The following PLEKHG6 variants were observed in gnomAD, a reference collection of about 807,000 sequenced individuals.
PLEKHG6 encodes the protein pleckstrin homology domain-containing family G member 6.
Under a neutral mutation model 97.5 loss-of-function variants are expected in PLEKHG6, and 91 were observed. That is an observed-to-expected ratio of 0.93 (90% CI 0.79 to 1.11). The LOEUF (loss-of-function observed/expected upper bound fraction) is 1.11, where lower values mean the gene tolerates loss of function less well. Ranked by LOEUF, PLEKHG6 falls within the 50% of genes most tolerant of loss-of-function variation. The pLI is 0.00. For missense variants in PLEKHG6, 1,044 were observed against 1,031.0 expected (o/e 1.01, Z -0.17); for synonymous variants, 466 against 425.5 (o/e 1.10, Z -1.17).
chr12:6,327,922 A>G lies in PLEKHG6; in HGVS notation c.2339A>G (p.Gln780Arg), dbSNP rs200557772. The change falls in exon 15 of 16, where the codon CAG becomes CGG. Residue 780 changes from glutamine to arginine, a missense_variant. Transcript: ENST00000684764. ...LQRMRGPHII[Q>R]LDTPLSASEV ...AGGATGCGGGGGCCCCACATCATTC[A>G]GCTGGACACCCCTCTGTCCGCATCG... 1.3e-5 allele frequency: 19 copies of G among 1,482,822 alleles called. No individual in the cohort carries two copies. In the East Asian group the frequency reaches 3.8e-4, roughly 29 times the overall value. 91.9% of individuals were successfully genotyped at this position (1,482,822 alleles called of 1,614,324 possible).
Position 6,316,039 on chromosome 12 carries a change from C to A in PLEKHG6, c.606+120C>A. 2.0e-6 allele frequency: 2 copies of A among 1,003,640 alleles called. No individual in the cohort carries two copies. Among genetic ancestry groups the A allele is most frequent in the Admixed American group, 2.5e-5 (1 of 40,212 alleles). 62.2% of individuals were successfully genotyped at this position (1,003,640 alleles called of 1,614,324 possible). On this transcript the variant is annotated intron_variant, in intron 6 of 15. Transcript: ENST00000684764. The surrounding 1 kb of genome is among the most constrained non-coding windows in gnomAD (Gnocchi z 4.1). ...CTGCCCCGTTTTTTGGGATGCCTTG[C>A]CCTCCCTACTTCCCTGTTACTGGGG...
intron 13 of PLEKHG6, chr12:6,319,315 G>T (rs1565459051): frequency 4.9e-6 from 3 of 611,648 alleles, no homozygotes; most frequent in Non-Finnish European, 5.7e-6. Flanking sequence ...GGGCGTGGTG[G>T]TGTGTGCCTG....
intron 13 of PLEKHG6, 107 bp from the exon 14 acceptor site, chr12:6,326,320 TA>T: frequency 1.6e-6 from 1 of 633,736 alleles, no homozygotes; most frequent in Non-Finnish European, 2.6e-6. Context: ...ATAATAATAA[TA>T]ATAAAATAAA....
rs1254780381 is a variant in PLEKHG6, at chr12:6,315,592, G to A, written c.498G>A (p.Leu166=). ...AGCTCTGCCACCAACAGGAGGCCCT[G>A]TGGGAGCTCCTGACCACCGAGCTGA... The part of the protein sequence containing the change: ...SQELCHQQEA[L]WELLTTELIY... Residue 166 remains leucine (L), a synonymous_variant, in exon 5 of 16, where the codon CTG becomes CTA. Coordinates refer to ENST00000684764, the MANE Select transcript of PLEKHG6 (RefSeq NM_001384598.1). The surrounding 1 kb of genome is among the most constrained non-coding windows in gnomAD (Gnocchi z 4.5). The A allele has an allele frequency of 6.3e-7, 1 of 1,588,398 alleles. No homozygotes were observed. Among genetic ancestry groups the A allele is most frequent in the African/African-American group, 1.3e-5 (1 of 74,440 alleles).
intron 9 of PLEKHG6, 80 bp from the exon 10 acceptor site, chr12:6,317,777 G>A: frequency 6.4e-7 from 1 of 1,564,410 alleles, no homozygotes; most frequent in Non-Finnish European, 8.7e-7. Flanking sequence ...CTGTGACAGT[G>A]TGGCGCTGTG....
In PLEKHG6 at chr12:6,327,477, C is replaced by T. The variant is rs143704121; in HGVS notation, c.1894C>T (p.Arg632Cys). 19 of 1,609,940 alleles carry T rather than the reference C, an allele frequency of 1.2e-5. No individual in the cohort carries two copies. The highest frequency in any genetic ancestry group is 9.4e-5 in the African/African-American group (7 of 74,832). Residue 632 changes from arginine to cysteine, a missense_variant, in exon 15 of 16, where the codon CGT (arginine) becomes TGT (cysteine). Transcript: ENST00000684764. ...STLELRDIPL[R>C]PHPPDPQAPQ... Reference sequence around the variant, plus strand: ...CCTGGAACTCCGGGACATCCCTCTGCGTCCCCACCCTCCCGACCCCCAAGC... The same window carrying T: ...CCTGGAACTCCGGGACATCCCTCTGTGTCCCCACCCTCCCGACCCCCAAGC...
In PLEKHG6 at chr12:6,315,103, A is replaced by G. The variant is rs777967360; in HGVS notation, c.393A>G (p.Ile131Met). 6.2e-7 allele frequency: 1 copy of G among 1,613,252 alleles called. No individual in the cohort carries two copies. Among genetic ancestry groups the G allele is most frequent in the South Asian group, 1.1e-5 (1 of 91,076 alleles). ...LPPEDRRHWE[I>M]GEGGDSGLTI... ...CTGAGGACCGGCGGCACTGGGAGAT[A>G]GGAGAGGGTGGCGACAGTGGCCTGA... The change falls in exon 4 of 16, where the codon ATA becomes ATG. Residue 131 changes from isoleucine to methionine, a missense_variant. Transcript: ENST00000684764. This position sits in a 1 kb window ranked among gnomAD's most constrained non-coding sequence, Gnocchi z 4.5.
chr12:6,327,257 T>A lies in PLEKHG6; in HGVS notation c.1674T>A (p.Thr558=). ...EGSQSSAEGR[T]PEFSTIIPHL... is the part of the protein sequence containing the mutation. Reference sequence around the variant, plus strand: ...GACTCTTTGCCATTAACTGTAGGACTCCTGAGTTCTCGACCATTATCCCCC... The same window carrying A: ...GACTCTTTGCCATTAACTGTAGGACACCTGAGTTCTCGACCATTATCCCCC... The change falls in exon 15 of 16, where the codon ACT becomes ACA. Residue 558 remains threonine, a synonymous_variant. Coordinates refer to ENST00000684764, the MANE Select transcript of PLEKHG6 (RefSeq NM_001384598.1). The A allele has an allele frequency of 6.3e-7, 1 of 1,583,008 alleles. No individual in the cohort carries two copies. The highest frequency in any genetic ancestry group is 8.6e-7 in the Non-Finnish European group (1 of 1,160,688).
chr12:6,313,668 G>T lies in PLEKHG6; in HGVS notation c.178G>T (p.Ala60Ser), dbSNP rs1947350350. ...RRRLQQYVPF[A>S]RGSGQARGLS... ...ACGCCTCCAGCAGTATGTCCCCTTTGCCAGGGGTTCTGGCCAGGCCCGAGG... is the reference window on the plus strand; with the variant it reads ...ACGCCTCCAGCAGTATGTCCCCTTTTCCAGGGGTTCTGGCCAGGCCCGAGG... The change falls in exon 3 of 16, where the codon GCC (alanine) becomes TCC (serine). Residue 60 changes from alanine (A) to serine (S), a missense_variant. By Grantham distance (99) the Ala-to-Ser change is moderately conservative. Transcript: ENST00000684764. 1 of 1,613,922 alleles carries T rather than the reference G, an allele frequency of 6.2e-7. No individual in the cohort carries two copies. Among genetic ancestry groups the T allele is most frequent in the Admixed American group, 1.7e-5 (1 of 59,990 alleles).
chr12:6,313,042 C>T lies in PLEKHG6; in HGVS notation c.139-587C>T, dbSNP rs964927019. ...AGACTAGAAAGTATGTGGGGTAATT[C>T]AGGCCACAGGCAAATGAAGGAATGT... is the stretch of plus-strand genomic sequence containing the variant. On this transcript the variant is annotated intron_variant, in intron 2 of 15. Coordinates refer to ENST00000684764, the MANE Select transcript of PLEKHG6 (RefSeq NM_001384598.1). 1.3e-5 allele frequency: 20 copies of T among 1,504,736 alleles called. 1 individual carries two copies. In the South Asian group the frequency reaches 2.5e-4, roughly 19 times the overall value. 93.2% of individuals were successfully genotyped at this position (1,504,736 alleles called of 1,614,324 possible). A position where few individuals can be genotyped will look rare whatever the true frequency, so the allele number is the denominator to read the frequency against.
rs769096998 is a variant in PLEKHG6 at position 6,318,326 on chromosome 12, A to T, written c.1181A>T (p.Asp394Val). The T allele has an allele frequency of 6.2e-7, 1 of 1,613,944 alleles. No individual in the cohort carries two copies. The highest frequency in any genetic ancestry group is 8.5e-7 in the Non-Finnish European group (1 of 1,179,966). Residue 394 changes from aspartate to valine, a missense_variant, in exon 11 of 16, where the codon GAC (aspartate) becomes GTC (valine). By Grantham distance (152) the Asp-to-Val change is radical. Coordinates refer to ENST00000684764, the MANE Select transcript of PLEKHG6 (RefSeq NM_001384598.1). Reference protein sequence around the residue: ...EKNLRPFSTLDLTSPMLGVAS... With the variant: ...EKNLRPFSTLVLTSPMLGVAS... ...AACCTGCGCCCATTCTCCACCCTGG[A>T]CCTGACGTCCCCCATGCTGGGGGTT...
chr12:6,325,202 A>G (rs1165757769), intron 13 of PLEKHG6, among the ~76,000 whole-genome samples: 1 of 150,990 alleles, frequency 6.6e-6, no homozygotes, highest in Non-Finnish European at 1.5e-5. Flanking sequence ...CAAGCCAACA[A>G]CCGACCTTCT....
chr12:6,317,483 C>G, intron 8 of PLEKHG6, 64 bp from the exon 9 acceptor site: 2 of 1,611,662 alleles, frequency 1.2e-6, no homozygotes, highest in Non-Finnish European at 1.7e-6. Flanking sequence ...GAGCCTGAGG[C>G]TGAGTTCACC....
Position 6,317,565 on chromosome 12 carries a change from C to A in PLEKHG6, c.886C>A (p.Arg296Ser). 6.2e-7 allele frequency: 1 copy of A among 1,613,736 alleles called. No individual in the cohort carries two copies. The highest frequency in any genetic ancestry group is 1.3e-5 in the African/African-American group (1 of 75,062). ...CCTGCAGTGGTGTGAGAAGCACAAG[C>A]GCTCTGGGAGGCAGATGCTCTGTGA... Reference protein sequence around the residue: ...AFVQWCEKHKRSGRQMLCDLL... With the variant: ...AFVQWCEKHKSSGRQMLCDLL... Residue 296 changes from arginine to serine, a missense_variant, in exon 9 of 16, where the codon CGC (arginine) becomes AGC (serine). By Grantham distance (110) the Arg-to-Ser change is moderately radical. Coordinates refer to ENST00000684764, the MANE Select transcript of PLEKHG6 (RefSeq NM_001384598.1).
chr12:6,322,847 C>T (rs114563112), intron 13 of PLEKHG6, among the ~76,000 whole-genome samples: 2,572 of 151,708 alleles, frequency 0.017, 75 homozygotes, highest in African/African-American at 0.06. Flanking sequence ...CACCACTGCA[C>T]TACAACCCAG....
Position 6,316,901 on chromosome 12 carries a change from A to T in PLEKHG6, c.757-402A>T, listed in dbSNP as rs1044030152. Reference sequence around the variant, plus strand: ...TAGGCGTACTGCCCCTGGGAGCCTTAGGTACCCCCTCCATAGGAGCAAGGC... The same window carrying T: ...TAGGCGTACTGCCCCTGGGAGCCTTTGGTACCCCCTCCATAGGAGCAAGGC... On this transcript the variant is annotated intron_variant, in intron 7 of 15. Transcript: ENST00000684764. The surrounding 1 kb of genome is among the most constrained non-coding windows in gnomAD (Gnocchi z 4.1). Among the ~76,000 whole-genome samples the T allele has an allele frequency of 6.6e-6, 1 of 152,178 alleles. No individual in the cohort carries two copies. Among genetic ancestry groups the T allele is most frequent in the African/African-American group, 2.4e-5 (1 of 41,454 alleles).
rs749640537 is a variant in PLEKHG6, at chr12:6,327,860, C to T, written c.2277C>T (p.Asp759=). 6.0e-6 allele frequency: 9 copies of T among 1,502,910 alleles called. No homozygotes were observed. In the South Asian group the frequency reaches 1.1e-4, roughly 18 times the overall value. 93.1% of individuals were successfully genotyped at this position (1,502,910 alleles called of 1,614,324 possible). ...TTGAGGGGGCCGAGGAGCCCCGGGA[C>T]AGCAGGCCACGGAAGCTGACTCGGG... The part of the protein sequence containing the change: ...QRIEGAEEPR[D]SRPRKLTRAQ... Residue 759 remains aspartate (D), a synonymous_variant, in exon 15 of 16, where the codon GAC becomes GAT. Coordinates refer to ENST00000684764, the MANE Select transcript of PLEKHG6 (RefSeq NM_001384598.1).
At position 6,317,980 on chromosome 12, in the gene PLEKHG6, G is replaced by A; in HGVS notation, c.1141G>A (p.Asp381Asn). 3 of 1,590,208 alleles carry A rather than the reference G, an allele frequency of 1.9e-6. No homozygotes were observed. The South Asian group carries it at 3.4e-5, about 18-fold the overall frequency. ...GPYEVLEPPSDEVEKNLRPFS... is the reference protein window; with the variant it reads ...GPYEVLEPPSNEVEKNLRPFS... ...CTACGAGGTGCTGGAGCCACCCAGTGATGAGGTGGAGAAGGTGAGAGGGCA... is the reference window on the plus strand; with the variant it reads ...CTACGAGGTGCTGGAGCCACCCAGTAATGAGGTGGAGAAGGTGAGAGGGCA... The change falls in exon 10 of 16, where the codon GAT becomes AAT. Residue 381 changes from aspartate (D) to asparagine (N), a missense_variant. By Grantham distance (23) the Asp-to-Asn change is conservative (BLOSUM62 1). Transcript: ENST00000684764.
chr12:6,310,635 G>C (rs1417701185), upstream of PLEKHG6: 2 of 152,262 alleles, frequency 1.3e-5, no homozygotes, highest in Non-Finnish European at 2.9e-5. Flanking sequence ...CTGCCCCTCT[G>C]CCCCGAGCGG....
Sources: allele counts gnomAD v4.1 joint callset (sites outside exome capture counted in the v4.1 genomes callset), GRCh38; gene constraint gnomAD v4.1.1; non-coding constraint Gnocchi (gnomAD v3.1); transcripts MANE v1.5; gene names NCBI Gene and HGNC (gene_info 2026-07-23, HGNC 2026-07-21).